DPYSL2: variants seen among roughly 807,000 people sequenced by gnomAD.
DPYSL2 encodes the protein dihydropyrimidinase-related protein 2.
DPYSL2 carries 13 observed loss-of-function variants against 69.9 expected under a neutral mutation model. That is an observed-to-expected ratio of 0.19 (90% CI 0.12 to 0.30). The LOEUF is 0.30. Among genes scored for constraint, DPYSL2 ranks in the 10% least tolerant of loss-of-function variants. The pLI, the probability that DPYSL2 is intolerant of heterozygous loss-of-function variation, is 1.00. For synonymous variants in DPYSL2, 326 were observed against 359.1 expected (o/e 0.91, Z 1.04); for missense variants, 587 against 918.9 (o/e 0.64, Z 4.67).
At chr8:26,524,516 G>A (rs1430504628) in intron 1 of DPYSL2, among the ~76,000 whole-genome samples, 1 of 151,812 alleles carries the variant, frequency 6.6e-6, no homozygotes, top group Non-Finnish European at 1.5e-5. Flanking sequence ...AATGAATGAG[G>A]GCCGAGCGCG....
At chr8:26,628,322 T>A (rs951390120) in intron 7 of DPYSL2, among the ~76,000 whole-genome samples, 3 of 152,234 alleles carry the variant, frequency 2.0e-5, no homozygotes, top group Non-Finnish European at 4.4e-5. Flanking sequence ...GGAAAAGCTC[T>A]TCTAAATGCC....
At chr8:26,557,485 AAAC>A (rs1334432816) in intron 1 of DPYSL2, among the ~76,000 whole-genome samples, 1 of 152,062 alleles carries the variant, frequency 6.6e-6, no homozygotes, top group Non-Finnish European at 1.5e-5. Context: ...TTGCAAAGTA[AAAC>A]AACAATTAGA....
rs1808291710 is a variant in DPYSL2 at position 26,516,415 on chromosome 8, T to C, written c.354+1736T>C. On this transcript the variant is annotated intron_variant, in intron 1 of 13. Coordinates refer to ENST00000521913, the MANE Select transcript of DPYSL2 (RefSeq NM_001197293.3). The surrounding 1 kb of genome is among the most constrained non-coding windows in gnomAD (Gnocchi z 4.8). ...GCGAGTTGTGCTGGTGATTGTGATG[T>C]CCTAGAGAAAGCAGAAAAACAACTG... 6.6e-6 allele frequency among the ~76,000 whole-genome samples: 1 copy of C among 152,126 alleles called. No individual in the cohort carries two copies. Among genetic ancestry groups the C allele is most frequent in the African/African-American group, 2.4e-5 (1 of 41,412 alleles).
At chr8:26,651,388 C>A (rs1225256574) in intron 11 of DPYSL2, among the ~76,000 whole-genome samples, 1 of 152,230 alleles carries the variant, frequency 6.6e-6, no homozygotes, top group Non-Finnish European at 1.5e-5. Context: ...CTGGTCTGAA[C>A]TTTCCCAGAA....
In DPYSL2 at chr8:26,572,965, G is replaced by GAT. The variant is rs758340994; in HGVS notation, c.355-9003_355-9002dup. ...AGGGATGTACGAAGAATAATGGGAG[G>GAT]ATGGAGTAAAGGACAGTTTCAGAAA... is the stretch of plus-strand genomic sequence containing the variant. On this transcript the variant is annotated intron_variant, in intron 1 of 13. Coordinates refer to ENST00000521913, the MANE Select transcript of DPYSL2 (RefSeq NM_001197293.3). 3.3e-5 allele frequency among the ~76,000 whole-genome samples: 5 copies of GAT among 152,292 alleles called. No homozygotes were observed. In the South Asian group the frequency reaches 1.0e-3, roughly 32 times the overall value.
In DPYSL2 at chr8:26,643,662, C is replaced by T. The variant is rs969594149; in HGVS notation, c.1283+67C>T. The stretch of plus-strand genomic sequence containing the variant: ...CTTCAGACCAGACTGACCTGTTAGG[C>T]GAAAACAACATGGTGGCCAAGAGCA... On this transcript the variant is annotated intron_variant, in intron 9 of 13. Transcript: ENST00000521913. The surrounding 1 kb of genome is among the most constrained non-coding windows in gnomAD (Gnocchi z 6.5). The T allele has an allele frequency of 7.3e-5, 117 of 1,606,560 alleles. No individual in the cohort carries two copies. The African/African-American group carries it at 1.1e-3, about 15-fold the overall frequency.
Position 26,588,879 on chromosome 8 carries a change from C to T in DPYSL2, c.628+4896C>T, listed in dbSNP as rs1016713464. On this transcript the variant is annotated intron_variant, in intron 3 of 13. Transcript: ENST00000521913. This position sits in a 1 kb window ranked among gnomAD's most constrained non-coding sequence, Gnocchi z 5.4. ...CTAGCATCTTCATGTCCTCGTGCTG[C>T]CTTGAGTTGCTTTCATCTCTGTGTT... 2.6e-5 allele frequency among the ~76,000 whole-genome samples: 4 copies of T among 152,208 alleles called. No homozygotes were observed. In the East Asian group the frequency reaches 7.7e-4, roughly 29 times the overall value.
At position 26,618,335 on chromosome 8, in the gene DPYSL2, GAC is replaced by G. The variant is rs1466271638; in HGVS notation, c.629-5806_629-5805del. 1.4e-3 allele frequency among the ~76,000 whole-genome samples: 206 copies of G among 145,356 alleles called. 1 individual carries two copies. Among genetic ancestry groups the G allele is most frequent in the African/African-American group, 5.1e-3 (199 of 39,080 alleles). ...TACGCCTTTTTTTTTTTTCTTAATA[GAC>G]AGTCTTTATCTGTTGCCCAAGCTGA... On this transcript the variant is annotated intron_variant, in intron 3 of 13. Transcript: ENST00000521913.
chr8:26,552,601 G>C (rs34810432), intron 1 of DPYSL2, among the ~76,000 whole-genome samples: 1 of 152,236 alleles, frequency 6.6e-6, no homozygotes. Flanking sequence ...GCTATTTCTG[G>C]TGCGGGCCTT....
At chr8:26,567,832 G>A (rs762991247) in intron 1 of DPYSL2, among the ~76,000 whole-genome samples, 3 of 152,120 alleles carry the variant, frequency 2.0e-5, no homozygotes, top group Non-Finnish European at 2.9e-5. Flanking sequence ...GAGATGAAGG[G>A]CATCAATTCC....
intron 1 of DPYSL2, among the ~76,000 whole-genome samples, chr8:26,534,008 G>A (rs1480573689): frequency 1.3e-5 from 2 of 152,170 alleles, no homozygotes; most frequent in African/African-American, 2.4e-5. Context: ...GGCTTTGAAG[G>A]TCCAAGGAAT....
chr8:26,563,992 A>G (rs957526365), intron 1 of DPYSL2, among the ~76,000 whole-genome samples: 5 of 152,082 alleles, frequency 3.3e-5, no homozygotes, highest in African/African-American at 1.2e-4. Context: ...GATATTTAAG[A>G]CTGGGTAAGA....
At position 26,624,267 on chromosome 8, in the gene DPYSL2, G is replaced by GCATGT; in HGVS notation, c.753_754insCATGT (p.Gly252HisfsTer12). 1.2e-6 allele frequency: 2 copies of GCATGT among 1,614,200 alleles called. No homozygotes were observed. The highest frequency in any genetic ancestry group is 8.5e-7 in the Non-Finnish European group (1 of 1,180,022). On this transcript the variant is annotated frameshift_variant, in exon 4 of 14. Coordinates refer to ENST00000521913, the MANE Select transcript of DPYSL2 (RefSeq NM_001197293.3). LOFTEE classifies it high-confidence loss of function. The surrounding 1 kb of genome is among the most constrained non-coding windows in gnomAD (Gnocchi z 4.7). ...ATGTGGACATCAGTGAGTGGCATAA[G>GCATGT]GGCATCCAGGAGGAGATGGAAGCGC... is the stretch of plus-strand genomic sequence containing the variant.
At chr8:26,526,473 G>A (rs371069077) in intron 1 of DPYSL2, among the ~76,000 whole-genome samples, 1 of 152,152 alleles carries the variant, frequency 6.6e-6, no homozygotes, top group East Asian at 1.9e-4. Flanking sequence ...ATTCTTTTTA[G>A]ACAGTTTTAT....
intron 1 of DPYSL2, among the ~76,000 whole-genome samples, chr8:26,529,397 A>G (rs901356914): frequency 1.3e-5 from 2 of 152,026 alleles, no homozygotes; most frequent in African/African-American, 4.8e-5. Flanking sequence ...TGATGTGATC[A>G]TAGCTCATTG....
At chr8:26,579,279 A>C (rs981537865) in intron 1 of DPYSL2, among the ~76,000 whole-genome samples, 1 of 152,250 alleles carries the variant, frequency 6.6e-6, no homozygotes, top group Non-Finnish European at 1.5e-5. Context: ...GATGCCTCAG[A>C]GATCAGCACC....
chr8:26,648,548 C>T lies in DPYSL2; in HGVS notation c.1596+748C>T, dbSNP rs1253569367. On this transcript the variant is annotated intron_variant, in intron 11 of 13. Coordinates refer to ENST00000521913, the MANE Select transcript of DPYSL2 (RefSeq NM_001197293.3). This position sits in a 1 kb window ranked among gnomAD's most constrained non-coding sequence, Gnocchi z 4.3. ...GCAGAGTTGTTAGACACTGCCGATT[C>T]CTCACAAGCAACATGGTATAGGCAG... Among the ~76,000 whole-genome samples the T allele has an allele frequency of 6.6e-6, 1 of 152,180 alleles. No individual in the cohort carries two copies. The highest frequency in any genetic ancestry group is 1.9e-4 in the East Asian group (1 of 5,198).
intron 4 of DPYSL2, among the ~76,000 whole-genome samples, chr8:26,625,548 T>C (rs148050347): frequency 6.2e-4 from 95 of 152,302 alleles, no homozygotes; most frequent in African/African-American, 2.2e-3. Flanking sequence ...TTTAAAATTG[T>C]GATGAATGTT....
intron 1 of DPYSL2, among the ~76,000 whole-genome samples, chr8:26,566,665 C>G (rs1392524242): frequency 1.3e-5 from 2 of 152,096 alleles, no homozygotes; most frequent in African/African-American, 4.8e-5. Flanking sequence ...CACAGTCCTT[C>G]TAGAAACTTT....
Sources: allele counts gnomAD v4.1 joint callset (sites outside exome capture counted in the v4.1 genomes callset), GRCh38; gene constraint gnomAD v4.1.1; non-coding constraint Gnocchi (gnomAD v3.1); transcripts MANE v1.5; gene names NCBI Gene and HGNC (gene_info 2026-07-23, HGNC 2026-07-21).